Variants in TRPM3 observed in about 807,000 individuals in gnomAD.
TRPM3 encodes the protein long transient receptor potential channel 3.
In TRPM3, 77 loss-of-function variants were observed where a neutral mutation model predicts 181.2. That is an observed-to-expected ratio of 0.42 (90% CI 0.35 to 0.51). The LOEUF is 0.51. Among genes scored for constraint, TRPM3 ranks in the 20% least tolerant of loss-of-function variants. The pLI is 0.01. For synonymous variants in TRPM3, 745 were observed against 796.4 expected, an observed-to-expected ratio of 0.94 and a Z score of 1.09; for missense variants, 1,759 against 2,196.7, an observed-to-expected ratio of 0.80 and a Z score of 3.98.
chr9:71,023,042 T>C (rs1329432180), intron 1 of TRPM3, among the ~76,000 whole-genome samples: 1 of 152,042 alleles, frequency 6.6e-6, no homozygotes, highest in African/African-American at 2.4e-5. Flanking sequence ...AAAAAAACCC[T>C]GTGAAGAAGC....
intron 1 of TRPM3, among the ~76,000 whole-genome samples, chr9:71,057,124 C>G (rs780433904): frequency 8.6e-5 from 13 of 151,970 alleles, no homozygotes; most frequent in Non-Finnish European, 1.5e-4. Context: ...ATGACCCCCT[C>G]GACACAGAGT....
rs1221815813 is a variant in TRPM3 at position 71,226,630 on chromosome 9, T to C, written c.183+220023A>G. Among the ~76,000 whole-genome samples, 5 of 151,408 alleles carry C rather than the reference T, an allele frequency of 3.3e-5. No individual in the cohort carries two copies. The East Asian group carries it at 7.7e-4, about 23-fold the overall frequency. ...GGAGTCAGTTCAGCAGAGGATATGA[T>C]TGTGTGTGTGTGTGTATATACACAT... On this transcript the variant is annotated intron_variant, in intron 1 of 24. Transcript: ENST00000357533.
chr9:70,883,847 T>C (rs1016834441), intron 1 of TRPM3, among the ~76,000 whole-genome samples: 1 of 152,204 alleles, frequency 6.6e-6, no homozygotes, highest in Non-Finnish European at 1.5e-5. Flanking sequence ...ACAATCACTC[T>C]TTCATGTAGA....
chr9:71,195,024 G>C (rs1055114348), intron 1 of TRPM3, among the ~76,000 whole-genome samples: 1 of 151,756 alleles, frequency 6.6e-6, no homozygotes, highest in East Asian at 1.9e-4. Context: ...AAGCAATTTA[G>C]ATCATCACAT....
In TRPM3 at chr9:71,420,831, A is replaced by AAGAGAGAGAAAGAGAGAGAAAGAGAG; in HGVS notation, c.183+25821_183+25822insCTCTCTTTCTCTCTCTTTCTCTCTCT. Among the ~76,000 whole-genome samples the AAGAGAGAGAAAGAGAGAGAAAGAGAG allele has an allele frequency of 1.6e-4, 2 of 12,472 alleles. 1 individual carries two copies. The highest frequency in any genetic ancestry group is 3.3e-4 in the Non-Finnish European group (2 of 6,100). The allele number at this position is 12,472 out of a possible 152,430, so 8.2% of individuals were successfully genotyped here. ...AGAAAGAAAGAGAGAAAGAGAGGGA[A>AAGAGAGAGAAAGAGAGAGAAAGAGAG]AGAAAGAGAGAGGAAGAGAGAGAGA... On this transcript the variant is annotated intron_variant, in intron 1 of 24. Transcript: ENST00000357533.
intron 1 of TRPM3, among the ~76,000 whole-genome samples, chr9:70,966,754 G>A (rs938502358): frequency 6.6e-6 from 1 of 151,936 alleles, no homozygotes; most frequent in African/African-American, 2.4e-5. Context: ...GGTGGGAGGA[G>A]GGAAAGGATC....
In TRPM3 at chr9:70,865,028, T is replaced by A. The variant is rs190488601; in HGVS notation, c.178-517A>T. Among the ~76,000 whole-genome samples the A allele has an allele frequency of 2.2e-4, 27 of 120,550 alleles. No homozygotes were observed. The East Asian group carries it at 6.5e-3, about 29-fold the overall frequency. 79.1% of individuals were successfully genotyped at this position (120,550 alleles called of 152,430 possible). ...CACTATGCTTTTTTCTAATTAACAG[T>A]GCTAAGTACAGGGGGGTTGGGGGGG... On this transcript the variant is annotated intron_variant, in intron 1 of 25. Coordinates refer to ENST00000677713, the MANE Select transcript of TRPM3 (RefSeq NM_001366145.2).
intron 7 of TRPM3, among the ~76,000 whole-genome samples, chr9:70,780,649 T>C (rs1227099822): frequency 1.3e-5 from 2 of 152,154 alleles, no homozygotes; most frequent in South Asian, 2.1e-4. Context: ...TAAATAAACA[T>C]GATTAAATTC....
chr9:71,122,644 G>GTGA (rs1256551912), upstream of TRPM3, among the ~76,000 whole-genome samples: 6 of 152,286 alleles, frequency 3.9e-5, no homozygotes, highest in African/African-American at 1.2e-4. Flanking sequence ...GCAAGCAGAT[G>GTGA]TGATACACTG....
intron 1 of TRPM3, among the ~76,000 whole-genome samples, chr9:71,418,741 T>C (rs1307761775): frequency 1.3e-5 from 2 of 148,840 alleles, no homozygotes; most frequent in African/African-American, 2.5e-5. Flanking sequence ...ACTATATATA[T>C]ATATATCCTT....
chr9:71,356,840 G>A (rs2132701861), intron 1 of TRPM3, among the ~76,000 whole-genome samples: 1 of 152,122 alleles, frequency 6.6e-6, no homozygotes, highest in East Asian at 1.9e-4. Context: ...AGAGAGCAGG[G>A]ACCATGACAT....
intron 1 of TRPM3, among the ~76,000 whole-genome samples, chr9:71,075,871 AT>A (rs2133636682): frequency 1.3e-5 from 2 of 152,332 alleles, no homozygotes; most frequent in South Asian, 4.1e-4. Context: ...TTAAGAGTAA[AT>A]ATTAGCTAGA....
At chr9:70,932,850 G>C (rs1000136121) in intron 1 of TRPM3, among the ~76,000 whole-genome samples, 1 of 152,152 alleles carries the variant, frequency 6.6e-6, no homozygotes, top group Non-Finnish European at 1.5e-5. Flanking sequence ...GCTGAGTGTA[G>C]AACATCTTAG....
chr9:71,013,802 C>A (rs2097764367), intron 1 of TRPM3, among the ~76,000 whole-genome samples: 1 of 151,926 alleles, frequency 6.6e-6, no homozygotes, highest in Non-Finnish European at 1.5e-5. Flanking sequence ...TTGTAACTTT[C>A]CCCACAAATA....
intron 1 of TRPM3, among the ~76,000 whole-genome samples, chr9:71,303,193 A>G (rs1311114390): frequency 2.0e-5 from 3 of 152,174 alleles, no homozygotes; most frequent in Non-Finnish European, 2.9e-5. Context: ...GAGATGGGAC[A>G]AAATAACCCT....
At chr9:70,834,074 G>A (rs2094137860) in intron 5 of TRPM3, among the ~76,000 whole-genome samples, 1 of 152,174 alleles carries the variant, frequency 6.6e-6, no homozygotes, top group African/African-American at 2.4e-5. Context: ...TCCCACTCAG[G>A]CACCTTGGCT....
At chr9:71,206,830 T>A (rs2079155128) in intron 1 of TRPM3, among the ~76,000 whole-genome samples, 1 of 152,052 alleles carries the variant, frequency 6.6e-6, no homozygotes, top group South Asian at 2.1e-4. Flanking sequence ...CAACACCACT[T>A]ATTAACTAGG....
intron 1 of TRPM3, among the ~76,000 whole-genome samples, chr9:71,051,067 T>C (rs2060011336): frequency 6.6e-6 from 1 of 152,324 alleles, no homozygotes; most frequent in Middle Eastern, 3.4e-3. Context: ...TGAGGAGTTC[T>C]AGGGGAAAAG....
At chr9:70,598,079 A>T (rs1015422207) in intron 21 of TRPM3, among the ~76,000 whole-genome samples, 7 of 152,150 alleles carry the variant, frequency 4.6e-5, no homozygotes, top group African/African-American at 1.7e-4. Context: ...CATTTTTCAC[A>T]TGGTGTGGTA....
Sources: allele counts gnomAD v4.1 joint callset (sites outside exome capture counted in the v4.1 genomes callset), GRCh38; gene constraint gnomAD v4.1.1; transcripts MANE v1.5; gene names NCBI Gene and HGNC (gene_info 2026-07-23, HGNC 2026-07-21).